Variants in UBE2L3 observed in about 807,000 individuals in gnomAD.
The protein encoded by UBE2L3 is ubiquitin conjugating enzyme E2 L3.
A neutral mutation model predicts 17.8 loss-of-function variants in UBE2L3; 1 was observed. The ratio of observed to expected loss-of-function variants is 0.06; its 90% CI spans 0.02 to 0.27. The LOEUF is 0.27. Among genes scored for constraint, UBE2L3 ranks in the 10% least tolerant of loss-of-function variants. The pLI is 1.00. For synonymous variants in UBE2L3, 44 were observed against 68.5 expected, an observed-to-expected ratio of 0.64 and a Z score of 1.76; for missense variants, 40 against 192.6, an observed-to-expected ratio of 0.21 and a Z score of 4.69.
chr22:21,609,497 A>G (rs5754344), intron 2 of UBE2L3, among the ~76,000 whole-genome samples: 28,036 of 151,982 alleles, frequency 0.18, 3,437 homozygotes, highest in East Asian at 0.41. Context: ...TCTTGAGCCC[A>G]GGAGTTTGAG....
At chr22:21,601,237 C>T (rs1601427224) in intron 2 of UBE2L3, among the ~76,000 whole-genome samples, 1 of 152,038 alleles carries the variant, frequency 6.6e-6, no homozygotes, top group Non-Finnish European at 1.5e-5. Flanking sequence ...TTGTGACTTT[C>T]GAACATGGAG....
chr22:21,566,639 C>T (rs1213563930), upstream of UBE2L3, among the ~76,000 whole-genome samples: 1 of 151,868 alleles, frequency 6.6e-6, no homozygotes, highest in Non-Finnish European at 1.5e-5. Context: ...CTATCAAAGA[C>T]CTCTCACAGC....
rs1184671538 is a variant in UBE2L3, at chr22:21,621,415, C to T, written c.311-100C>T. 4 of 1,401,242 alleles carry T rather than the reference C, an allele frequency of 2.9e-6. No individual in the cohort carries two copies. In the African/African-American group the frequency reaches 5.9e-5, roughly 21 times the overall value. 86.8% of individuals were successfully genotyped at this position (1,401,242 alleles called of 1,614,324 possible). A position where few individuals can be genotyped will look rare whatever the true frequency, so the allele number is the denominator to read the frequency against. ...GCTTAAAAGCACATTAGCTGTAAAT[C>T]AGTTGTAAAGCCAGAGTTTTGTTCC... On this transcript the variant is annotated intron_variant, in intron 3 of 3. Coordinates refer to ENST00000342192, the MANE Select transcript of UBE2L3 (RefSeq NM_003347.4).
chr22:21,567,573 T>A, upstream of UBE2L3: 1 of 1,421,578 alleles, frequency 7.0e-7, no homozygotes, highest in Non-Finnish European at 9.4e-7. Context: ...TCTGTGCGGT[T>A]CACTTGCGTT....
intron 2 of UBE2L3, among the ~76,000 whole-genome samples, chr22:21,596,715 G>A (rs556816796): frequency 2.0e-5 from 3 of 152,014 alleles, no homozygotes; most frequent in African/African-American, 4.8e-5. Context: ...TCGAACTCCC[G>A]ACCTCAGGTG....
intron 1 of UBE2L3, among the ~76,000 whole-genome samples, chr22:21,573,385 T>C (rs1326709379): frequency 1.3e-5 from 2 of 152,196 alleles, no homozygotes; most frequent in Non-Finnish European, 2.9e-5. Context: ...TTGGCATCCC[T>C]GTCTCTTCTC....
chr22:21,610,068 C>G (rs1295787235), intron 2 of UBE2L3, among the ~76,000 whole-genome samples: 1 of 152,108 alleles, frequency 6.6e-6, no homozygotes, highest in Non-Finnish European at 1.5e-5. Flanking sequence ...AAATTTATTT[C>G]TCACTTATTG....
intron 2 of UBE2L3, among the ~76,000 whole-genome samples, chr22:21,605,129 C>T (rs1929078652): frequency 6.6e-6 from 1 of 152,198 alleles, no homozygotes; most frequent in Non-Finnish European, 1.5e-5. Context: ...GCAGCACGCA[C>T]AGCTAATTTA....
chr22:21,582,308 C>G (rs988391769), intron 1 of UBE2L3, among the ~76,000 whole-genome samples: 1 of 151,032 alleles, frequency 6.6e-6, no homozygotes, highest in African/African-American at 2.4e-5. Context: ...CCAGTTTTTT[C>G]CTTGCCAAGA....
At chr22:21,614,793 T>C in intron 3 of UBE2L3, 1 of 250,214 alleles carries the variant, frequency 4.0e-6, no homozygotes, top group Non-Finnish European at 6.3e-6. Context: ...CAGATGTTCA[T>C]AGCACCATTA....
At chr22:21,591,662 T>G (rs561803554) in intron 1 of UBE2L3, among the ~76,000 whole-genome samples, 4 of 152,292 alleles carry the variant, frequency 2.6e-5, no homozygotes, top group African/African-American at 7.2e-5. Context: ...TGCAAGGATC[T>G]TTTGGGCTTG....
intron 2 of UBE2L3, among the ~76,000 whole-genome samples, chr22:21,601,788 G>A (rs937869561): frequency 3.3e-5 from 5 of 151,658 alleles, no homozygotes; most frequent in Non-Finnish European, 7.4e-5. Context: ...TGGCTAACAC[G>A]GTGAAACCCT....
chr22:21,558,370 C>T (rs1417344297), intron 1 of UBE2L3, among the ~76,000 whole-genome samples: 12 of 152,258 alleles, frequency 7.9e-5, no homozygotes, highest in East Asian at 7.7e-4. Context: ...CAGTGGCTTA[C>T]GCCTGTAATC....
chr22:21,592,270 C>CA (rs1568979166), intron 1 of UBE2L3, among the ~76,000 whole-genome samples: 1 of 151,850 alleles, frequency 6.6e-6, no homozygotes, highest in East Asian at 1.9e-4. Context: ...CCCACCCCCC[C>CA]ACTCCCACCC....
At chr22:21,566,409 C>G (rs1471072302), upstream of UBE2L3, among the ~76,000 whole-genome samples, 1 of 151,888 alleles carries the variant, frequency 6.6e-6, no homozygotes, top group African/African-American at 2.4e-5. Context: ...GACAGTGAGA[C>G]TTCATTTCTA....
chr22:21,593,000 G>T (rs769899260), intron 2 of UBE2L3, 44 bp downstream of exon 2: 1 of 1,555,068 alleles, frequency 6.4e-7, no homozygotes, highest in East Asian at 2.2e-5. Context: ...TATTCTTTAA[G>T]GTGATGTGTG....
chr22:21,592,052 A>ATCTGTCT (rs1392165134), intron 1 of UBE2L3, among the ~76,000 whole-genome samples: 2 of 152,224 alleles, frequency 1.3e-5, no homozygotes, highest in Admixed American at 6.5e-5. Context: ...GGTGACAGAC[A>ATCTGTCT]GTTCTGAAGA....
intron 3 of UBE2L3, among the ~76,000 whole-genome samples, chr22:21,612,217 A>C (rs1245966122): frequency 6.6e-6 from 1 of 152,232 alleles, no homozygotes; most frequent in Non-Finnish European, 1.5e-5. Context: ...TGGGTGCTAA[A>C]CATTCAGTCA....
chr22:21,589,329 A>G (rs1173034427), intron 1 of UBE2L3, among the ~76,000 whole-genome samples: 1 of 149,986 alleles, frequency 6.7e-6, no homozygotes, highest in Non-Finnish European at 1.5e-5. Context: ...TTGTATTTTT[A>G]ATAGAGACGG....
Sources: allele counts gnomAD v4.1 joint callset (sites outside exome capture counted in the v4.1 genomes callset), GRCh38; gene constraint gnomAD v4.1.1; transcripts MANE v1.5; gene names NCBI Gene and HGNC (gene_info 2026-07-23, HGNC 2026-07-21).